Variants in PACC1 observed in about 807,000 individuals in gnomAD.
The protein encoded by PACC1 is proton-activated chloride channel.
Under a neutral mutation model 39.7 loss-of-function variants are expected in PACC1, and 34 were observed. The observed-to-expected ratio is 0.86, with a 90% CI of 0.65 to 1.14. The LOEUF (loss-of-function observed/expected upper bound fraction) is 1.14. Ranked by LOEUF, PACC1 falls within the 50% of genes most tolerant of loss-of-function variation. PACC1 has a pLI of 0.00. For synonymous variants in PACC1, 127 were observed against 160.6 expected, an observed-to-expected ratio of 0.79 and a Z score of 1.58; for missense variants, 379 against 436.4, an observed-to-expected ratio of 0.87 and a Z score of 1.17.
At chr1:212,371,563 G>GC (rs1359002536) in intron 7 of PACC1, among the ~76,000 whole-genome samples, 1 of 151,788 alleles carries the variant, frequency 6.6e-6, no homozygotes, top group East Asian at 1.9e-4. Context: ...TAAAAGAAAA[G>GC]CCCAGCACCT....
intron 7 of PACC1, among the ~76,000 whole-genome samples, chr1:212,372,321 A>G (rs918208342): frequency 6.6e-6 from 1 of 151,792 alleles, no homozygotes; most frequent in Non-Finnish European, 1.5e-5. Flanking sequence ...AAAAAAAAAC[A>G]AAAAACTCAA....
chr1:212,408,085 A>AAAG (rs1348094827), intron 2 of PACC1, among the ~76,000 whole-genome samples: 3 of 151,756 alleles, frequency 2.0e-5, no homozygotes, highest in East Asian at 2.0e-4. Flanking sequence ...AAAAAAAAAA[A>AAAG]AAAAAGAAAA....
At chr1:212,380,677 C>T in intron 4 of PACC1, among the ~76,000 whole-genome samples, 1 of 152,114 alleles carries the variant, frequency 6.6e-6, no homozygotes, top group East Asian at 1.9e-4. Context: ...CATGCAGAAC[C>T]AATATCTATG....
intron 7 of PACC1, among the ~76,000 whole-genome samples, chr1:212,369,128 T>A (rs1212664172): frequency 6.6e-6 from 1 of 152,178 alleles, no homozygotes; most frequent in Non-Finnish European, 1.5e-5. Context: ...AGTTTTTTGT[T>A]TCTTTGTGAT....
chr1:212,388,842 T>C (rs1661198722), intron 2 of PACC1, among the ~76,000 whole-genome samples: 1 of 152,202 alleles, frequency 6.6e-6, no homozygotes, highest in South Asian at 2.1e-4. Flanking sequence ...CAGCTGAAAA[T>C]GGAGCTCCCT....
chr1:212,405,766 C>G (rs1259567993), intron 2 of PACC1, among the ~76,000 whole-genome samples: 1 of 152,122 alleles, frequency 6.6e-6, no homozygotes, highest in East Asian at 1.9e-4. Flanking sequence ...AACGTCTGTG[C>G]CTTGGGTTCC....
At chr1:212,412,646 GAA>G in intron 1 of PACC1, among the ~76,000 whole-genome samples, 1 of 152,360 alleles carries the variant, frequency 6.6e-6, no homozygotes, top group South Asian at 2.1e-4. Context: ...CCTCCAAAGA[GAA>G]ACTGAGTCTA....
chr1:212,368,422 T>C (rs1660321550), intron 7 of PACC1, among the ~76,000 whole-genome samples: 1 of 152,122 alleles, frequency 6.6e-6, no homozygotes, highest in Non-Finnish European at 1.5e-5. Flanking sequence ...GAGAGAGATG[T>C]GTGACCACTC....
rs559223085 is a variant in PACC1, at chr1:212,377,547, C to G, written c.783+15G>C. 5.6e-5 allele frequency: 90 copies of G among 1,613,480 alleles called. No individual in the cohort carries two copies. Among genetic ancestry groups the G allele is most frequent in the Non-Finnish European group, 7.5e-5 (88 of 1,179,706 alleles). On this transcript the variant is annotated intron_variant, in intron 6 of 7. Transcript: ENST00000261455. ...AAAGTCACCAGCAGTTTCAAGCAAA[C>G]CCAGAGCCACCTACCTCCTGCCGGA...
At chr1:212,405,058 G>A (rs910096962) in intron 2 of PACC1, among the ~76,000 whole-genome samples, 1 of 152,126 alleles carries the variant, frequency 6.6e-6, no homozygotes. Flanking sequence ...GCCACAGTGT[G>A]AGCCCCTTCA....
At chr1:212,368,893 G>A (rs1446640938) in intron 7 of PACC1, among the ~76,000 whole-genome samples, 6 of 151,936 alleles carry the variant, frequency 3.9e-5, no homozygotes, top group Admixed American at 6.6e-5. Flanking sequence ...TTAGCCGGGC[G>A]TGGTGGCGGG....
intron 4 of PACC1, among the ~76,000 whole-genome samples, chr1:212,382,961 C>T (rs1226290113): frequency 6.6e-6 from 1 of 152,218 alleles, no homozygotes; most frequent in Non-Finnish European, 1.5e-5. Flanking sequence ...TGCAGGGTTC[C>T]ACCACTGCTG....
chr1:212,403,573 T>A (rs1661793170), intron 2 of PACC1, among the ~76,000 whole-genome samples: 1 of 152,202 alleles, frequency 6.6e-6, no homozygotes, highest in South Asian at 2.1e-4. Context: ...AGGTTTTTTT[T>A]CTTTTTTGAG....
chr1:212,371,415 T>C (rs1660452934), intron 7 of PACC1, among the ~76,000 whole-genome samples: 1 of 151,884 alleles, frequency 6.6e-6, no homozygotes, highest in Non-Finnish European at 1.5e-5. Flanking sequence ...ATTAGAGACT[T>C]AATGAAAAAC....
chr1:212,406,074 A>T (rs776635772), intron 2 of PACC1, among the ~76,000 whole-genome samples: 8 of 135,924 alleles, frequency 5.9e-5, no homozygotes, highest in African/African-American at 5.8e-5. Flanking sequence ...ACTGTACTGT[A>T]GCCCAGTCCA....
intron 7 of PACC1, among the ~76,000 whole-genome samples, chr1:212,365,823 G>A (rs35822123): frequency 0.13 from 19,697 of 152,140 alleles, 1,598 homozygotes; most frequent in Middle Eastern, 0.22. Context: ...AAATAAGATA[G>A]GCAATATTTA....
chr1:212,384,072 C>A (rs1268095853), intron 4 of PACC1, among the ~76,000 whole-genome samples: 2 of 152,110 alleles, frequency 1.3e-5, no homozygotes, highest in Non-Finnish European at 2.9e-5. Context: ...ACAGGTCTCT[C>A]CTTCATCTGT....
chr1:212,378,303 G>C (rs1463830992), intron 5 of PACC1, among the ~76,000 whole-genome samples: 1 of 152,224 alleles, frequency 6.6e-6, no homozygotes, highest in African/African-American at 2.4e-5. Flanking sequence ...AGCGTGGAGT[G>C]GGGGTGGGAT....
intron 5 of PACC1, among the ~76,000 whole-genome samples, chr1:212,378,682 G>A (rs1429659088): frequency 6.6e-6 from 1 of 152,182 alleles, no homozygotes; most frequent in African/African-American, 2.4e-5. Context: ...TGATGGTCAG[G>A]GGACATTCAT....
Sources: allele counts gnomAD v4.1 joint callset (sites outside exome capture counted in the v4.1 genomes callset), GRCh38; gene constraint gnomAD v4.1.1; transcripts MANE v1.5; gene names NCBI Gene and HGNC (gene_info 2026-07-23, HGNC 2026-07-21).